Variants in NTRK3 observed in about 807,000 individuals in gnomAD.
The protein encoded by NTRK3 is neurotrophic receptor tyrosine kinase 3, also known as NT-3 growth factor receptor.
In NTRK3, 24 loss-of-function variants were observed where a neutral mutation model predicts 91.7. The ratio of observed to expected loss-of-function variants is 0.26; its 90% CI spans 0.19 to 0.37. The LOEUF (loss-of-function observed/expected upper bound fraction) is 0.37, where lower values mean the gene tolerates loss of function less well. NTRK3 is among the 10% of genes least tolerant of loss of function. NTRK3 has a pLI of 1.00. For synonymous variants in NTRK3, 483 were observed against 404.0 expected (o/e 1.20, Z -2.34); for missense variants, 880 against 1,068.9 (o/e 0.82, Z 2.46).
chr15:87,983,953 G>C (rs1411334977), intron 14 of NTRK3, among the ~76,000 whole-genome samples: 1 of 152,064 alleles, frequency 6.6e-6, no homozygotes, highest in African/African-American at 2.4e-5. Flanking sequence ...ATCCCTGGTG[G>C]CTTCACCCCC....
chr15:88,081,405 A>T (rs1342925656), intron 13 of NTRK3, among the ~76,000 whole-genome samples: 1 of 152,208 alleles, frequency 6.6e-6, no homozygotes. Context: ...CATTTTGTCC[A>T]GGCCACATTC....
chr15:87,923,645 G>A (rs2068054634), intron 17 of NTRK3, among the ~76,000 whole-genome samples: 1 of 152,148 alleles, frequency 6.6e-6, no homozygotes, highest in Admixed American at 6.5e-5. Context: ...TTTGGAATTG[G>A]AGAAAGCATT....
chr15:88,062,701 A>G (rs2046324583), intron 13 of NTRK3, among the ~76,000 whole-genome samples: 1 of 152,246 alleles, frequency 6.6e-6, no homozygotes, highest in African/African-American at 2.4e-5. Context: ...CATTTTCAAA[A>G]AGCCATTGTT....
chr15:88,250,500 T>C (rs2053239434), intron 3 of NTRK3, among the ~76,000 whole-genome samples: 2 of 152,224 alleles, frequency 1.3e-5, no homozygotes, highest in Non-Finnish European at 2.9e-5. Flanking sequence ...AGGATCCCAG[T>C]AGGCACTAGA....
chr15:88,055,021 C>T (rs1392120251), intron 13 of NTRK3, among the ~76,000 whole-genome samples: 1 of 152,122 alleles, frequency 6.6e-6, no homozygotes, highest in Non-Finnish European at 1.5e-5. Context: ...ACCTCAGAGC[C>T]CAAACACTTC....
chr15:88,155,515 A>G (rs2043808732), intron 5 of NTRK3, among the ~76,000 whole-genome samples: 1 of 152,230 alleles, frequency 6.6e-6, no homozygotes, highest in African/African-American at 2.4e-5. Context: ...CTTTGTGTTA[A>G]TTTGTTACAA....
At chr15:88,116,107 G>C (rs2052037754) in intron 13 of NTRK3, among the ~76,000 whole-genome samples, 1 of 152,176 alleles carries the variant, frequency 6.6e-6, no homozygotes, top group Non-Finnish European at 1.5e-5. Flanking sequence ...TTCAGTGGGG[G>C]CAACAGTGTT....
intron 5 of NTRK3, among the ~76,000 whole-genome samples, chr15:88,179,613 T>C (rs188197605): frequency 6.6e-6 from 1 of 152,296 alleles, no homozygotes; most frequent in Admixed American, 6.5e-5. Context: ...CCAGTCTGTG[T>C]GAGCCATGCC....
intron 14 of NTRK3, among the ~76,000 whole-genome samples, chr15:88,023,308 C>T (rs2077744712): frequency 6.6e-6 from 1 of 152,180 alleles, no homozygotes; most frequent in Non-Finnish European, 1.5e-5. Flanking sequence ...TGTCTTCAGA[C>T]TCATCCCTCC....
intron 17 of NTRK3, among the ~76,000 whole-genome samples, chr15:87,916,099 T>C (rs558676364): frequency 3.3e-5 from 5 of 152,164 alleles, no homozygotes; most frequent in African/African-American, 1.2e-4. Flanking sequence ...TTCTGATTCC[T>C]CCTCCTCCTC....
chr15:88,143,988 T>G (rs868424325), intron 6 of NTRK3: 1 of 152,004 alleles, frequency 6.6e-6, no homozygotes, highest in South Asian at 2.1e-4. Context: ...ACTGCTGGAG[T>G]GTTTCTGTGC....
intron 6 of NTRK3, among the ~76,000 whole-genome samples, chr15:88,143,155 G>A (rs1052274826): frequency 3.9e-5 from 6 of 152,198 alleles, no homozygotes; most frequent in East Asian, 3.8e-4. Flanking sequence ...CCTGGGAGGC[G>A]GAGGTTGCAG....
exon 19 of NTRK3, chr15:87,867,753 G>C (rs1395075852): frequency 4.4e-6 from 1 of 228,972 alleles, no homozygotes; most frequent in Non-Finnish European, 8.7e-6. Context: ...TCAGCCACAA[G>C]ATAGGTTCAA....
At chr15:88,228,452 T>C (rs2050872746) in intron 3 of NTRK3, among the ~76,000 whole-genome samples, 1 of 152,080 alleles carries the variant, frequency 6.6e-6, no homozygotes, top group Non-Finnish European at 1.5e-5. Context: ...TACTACCCTG[T>C]AGTGCATAAA....
intron 13 of NTRK3, among the ~76,000 whole-genome samples, chr15:88,123,568 A>G (rs2052965739): frequency 6.6e-6 from 1 of 152,218 alleles, no homozygotes; most frequent in Non-Finnish European, 1.5e-5. Flanking sequence ...TGAGTGACCA[A>G]TGGCCTGTGA....
In NTRK3 at chr15:88,146,723, A is replaced by G. The variant is rs144053363; in HGVS notation, c.464+612T>C. ...GTCCACATGCAGATTGAAAAAATATATGGCCTCCCCAAACCCCTTGACATG... is the reference window on the plus strand; with the variant it reads ...GTCCACATGCAGATTGAAAAAATATGTGGCCTCCCCAAACCCCTTGACATG... On this transcript the variant is annotated intron_variant, in intron 6 of 18. Transcript: ENST00000394480. Among the ~76,000 whole-genome samples the G allele has an allele frequency of 5.3e-5, 8 of 152,316 alleles. 2 individuals are homozygous for G. The highest frequency in any genetic ancestry group is 1.9e-4 in the African/African-American group (8 of 41,560).
chr15:88,062,046 TAAC>T (rs2046269159), intron 13 of NTRK3, among the ~76,000 whole-genome samples: 1 of 152,196 alleles, frequency 6.6e-6, no homozygotes, highest in Non-Finnish European at 1.5e-5. Context: ...AAATACAAGA[TAAC>T]AACTATTTAC....
chr15:87,906,325 G>A (rs1469155814), intron 17 of NTRK3, among the ~76,000 whole-genome samples: 5 of 152,196 alleles, frequency 3.3e-5, no homozygotes, highest in African/African-American at 7.2e-5. Flanking sequence ...CTGCCCTTCC[G>A]TTACCCCACA....
At chr15:88,070,663 C>T (rs1597125386) in intron 13 of NTRK3, among the ~76,000 whole-genome samples, 1 of 152,256 alleles carries the variant, frequency 6.6e-6, no homozygotes, top group East Asian at 1.9e-4. Context: ...CCACCCACTC[C>T]CCCAGCCCAG....
Sources: gnomAD v4.1 joint callset for allele counts (sites outside exome capture counted in the v4.1 genomes callset) on GRCh38, gnomAD v4.1.1 for gene constraint, MANE v1.5 for transcripts, NCBI Gene and HGNC (gene_info 2026-07-23, HGNC 2026-07-21) for gene names.